The following ASIC2 variants were observed in gnomAD, a reference collection of about 807,000 sequenced individuals.
ASIC2 encodes the protein acid sensing ion channel subunit 2, also known as acid-sensing ion channel 2.
In ASIC2, 25 loss-of-function variants were observed where a neutral mutation model predicts 57.3. That is an observed-to-expected ratio of 0.44 (90% confidence interval 0.32 to 0.61). The LOEUF is 0.61. Ranked by LOEUF, ASIC2 falls within the 20% of genes least tolerant of loss-of-function variation. ASIC2 has a pLI of 0.06. For missense variants in ASIC2, 641 were observed against 738.1 expected (o/e 0.87, Z 1.52); for synonymous variants, 319 against 307.5 (o/e 1.04, Z -0.39).
chr17:33,048,352 A>G (rs1314832431), intron 3 of ASIC2, among the ~76,000 whole-genome samples: 1 of 152,220 alleles, frequency 6.6e-6, no homozygotes, highest in African/African-American at 2.4e-5. Flanking sequence ...TTTGTGAACC[A>G]GTAAAGCCCC....
intron 1 of ASIC2, among the ~76,000 whole-genome samples, chr17:33,878,499 G>A (rs915608510): frequency 5.3e-5 from 8 of 152,212 alleles, no homozygotes; most frequent in African/African-American, 1.9e-4. Flanking sequence ...CTGGAAGAAA[G>A]GAGATCAGTG....
chr17:33,952,278 G>T (rs1176704373), intron 1 of ASIC2, among the ~76,000 whole-genome samples: 1 of 152,182 alleles, frequency 6.6e-6, no homozygotes, highest in Non-Finnish European at 1.5e-5. Flanking sequence ...GTGGGGAAGA[G>T]ATAGAAGGAA....
intron 1 of ASIC2, among the ~76,000 whole-genome samples, chr17:33,161,598 A>G (rs1362327514): frequency 6.6e-6 from 1 of 152,200 alleles, no homozygotes; most frequent in East Asian, 1.9e-4. Context: ...TCCCACCAAT[A>G]TAATGTAAGC....
At chr17:34,040,398 A>AGG in intron 1 of ASIC2, among the ~76,000 whole-genome samples, 1 of 32,522 alleles carries the variant, frequency 3.1e-5, no homozygotes, top group African/African-American at 2.8e-4. Flanking sequence ...GCTGGGAGGC[A>AGG]GGGGGGGTCC....
rs78211611 is a variant in ASIC2, at chr17:34,049,771, C to A, written c.555+106207G>T. On this transcript the variant is annotated intron_variant, in intron 1 of 9. Coordinates refer to the ASIC2 transcript ENST00000359872. ...CTACTTACCCTTTGAAACTTCAAAA[C>A]CCTTCAGAGAATCTTCCTCCGACAG... Among the ~76,000 whole-genome samples, 367 of 152,294 alleles carry A rather than the reference C, an allele frequency of 2.4e-3. 3 individuals carry two copies. Among genetic ancestry groups the A allele is most frequent in the African/African-American group, 8.6e-3 (357 of 41,568 alleles).
At chr17:33,745,076 C>A (rs114979902) in intron 1 of ASIC2, among the ~76,000 whole-genome samples, 1 of 152,096 alleles carries the variant, frequency 6.6e-6, no homozygotes, top group Non-Finnish European at 1.5e-5. Flanking sequence ...TTTAAGTGTA[C>A]CAAAATAAAT....
Position 33,791,078 on chromosome 17 carries a change from C to A in ASIC2, c.555+364900G>T, listed in dbSNP as rs562397122. ...GCATGAGTGACAGCACTGGATGGGACCCCTCATGCTACGTGAGGGAAACAC... is the reference window on the plus strand; with the variant it reads ...GCATGAGTGACAGCACTGGATGGGAACCCTCATGCTACGTGAGGGAAACAC... On this transcript the variant is annotated intron_variant, in intron 1 of 9. Transcript: ENST00000359872. Among the ~76,000 whole-genome samples the A allele has an allele frequency of 1.3e-4, 20 of 152,252 alleles. No individual in the cohort carries two copies. In the East Asian group the frequency reaches 2.9e-3, roughly 22 times the overall value.
intron 1 of ASIC2, among the ~76,000 whole-genome samples, chr17:34,132,478 G>A (rs12948726): frequency 1.9e-4 from 29 of 149,458 alleles, no homozygotes; most frequent in South Asian, 1.3e-3. Context: ...TCCTATCAGC[G>A]TGTCTTCAAG....
chr17:33,053,636 T>C (rs1314119111), intron 3 of ASIC2, among the ~76,000 whole-genome samples: 1 of 152,202 alleles, frequency 6.6e-6, no homozygotes, highest in East Asian at 1.9e-4. Context: ...CTGATCTTAC[T>C]AAAATGCAGA....
intron 1 of ASIC2, among the ~76,000 whole-genome samples, chr17:33,985,678 T>C (rs1905793682): frequency 6.6e-6 from 1 of 152,184 alleles, no homozygotes; most frequent in South Asian, 2.1e-4. Context: ...AGTTCCATGG[T>C]CAAACACTTT....
chr17:33,867,376 G>T (rs553756166), intron 1 of ASIC2, among the ~76,000 whole-genome samples: 16 of 152,212 alleles, frequency 1.1e-4, no homozygotes, highest in African/African-American at 3.4e-4. Context: ...ACAATAACTA[G>T]ATATATTTAT....
intron 1 of ASIC2, among the ~76,000 whole-genome samples, chr17:33,528,104 C>T (rs1431585097): frequency 1.3e-5 from 2 of 149,716 alleles, no homozygotes; most frequent in African/African-American, 2.4e-5. Context: ...GTCATTACCA[C>T]GCCCTCGTAG....
chr17:33,471,758 CTTAT>C (rs906689577), intron 1 of ASIC2, among the ~76,000 whole-genome samples: 1 of 152,058 alleles, frequency 6.6e-6, no homozygotes, highest in African/African-American at 2.4e-5. Flanking sequence ...TGTCACATTT[CTTAT>C]TTAACCACAA....
At chr17:33,304,497 G>A (rs8068975) in intron 1 of ASIC2, among the ~76,000 whole-genome samples, 36,402 of 152,054 alleles carry the variant, frequency 0.24, 4,992 homozygotes, top group East Asian at 0.37. Flanking sequence ...CCTTTTGGTT[G>A]ACCTGACTGT....
chr17:33,390,933 T>C (rs1375046276), intron 1 of ASIC2, among the ~76,000 whole-genome samples: 5 of 152,198 alleles, frequency 3.3e-5, no homozygotes, highest in African/African-American at 1.2e-4. Context: ...AGTGCTTGAA[T>C]ACAGGAGGAA....
At chr17:33,446,655 T>C (rs901416996) in intron 1 of ASIC2, among the ~76,000 whole-genome samples, 4 of 152,194 alleles carry the variant, frequency 2.6e-5, no homozygotes, top group African/African-American at 9.7e-5. Flanking sequence ...ACCCATCCTG[T>C]TATTGACTAT....
In ASIC2 at chr17:33,418,923, GA is replaced by G. The variant is rs71362885; in HGVS notation, c.556-306857del. Among the ~76,000 whole-genome samples the G allele has an allele frequency of 5.6e-3, 841 of 150,872 alleles. 8 individuals are homozygous for G. The highest frequency in any genetic ancestry group is 0.019 in the African/African-American group (794 of 40,962). On this transcript the variant is annotated intron_variant, in intron 1 of 9. Transcript: ENST00000359872. ...ATAATGAGAACACACGGACACGGGG[GA>G]GGGGAACATCACACACCGGGGCCTG...
chr17:33,065,900 G>A (rs373044625), intron 3 of ASIC2, among the ~76,000 whole-genome samples: 1 of 152,152 alleles, frequency 6.6e-6, no homozygotes, highest in Non-Finnish European at 1.5e-5. Context: ...TGACGGATGA[G>A]GCCCGAAAAG....
At chr17:33,087,726 T>A (rs552302501) in intron 3 of ASIC2, among the ~76,000 whole-genome samples, 6 of 112,280 alleles carry the variant, frequency 5.3e-5, no homozygotes, top group African/African-American at 1.4e-4. Context: ...CCATGCCTAA[T>A]TTTTTTTTTT....
Sources: gnomAD v4.1 joint callset for allele counts (sites outside exome capture counted in the v4.1 genomes callset) on GRCh38, gnomAD v4.1.1 for gene constraint, MANE v1.5 for transcripts, NCBI Gene and HGNC (gene_info 2026-07-23, HGNC 2026-07-21) for gene names.